The following AP3S1 variants were observed in gnomAD, a reference collection of about 807,000 sequenced individuals.
The protein encoded by AP3S1 is AP-3 complex subunit sigma-1.
AP3S1 carries 12 observed loss-of-function variants against 21.3 expected under a neutral mutation model. The observed-to-expected ratio is 0.56, with a 90% CI of 0.36 to 0.91. The LOEUF (loss-of-function observed/expected upper bound fraction) is 0.91. Among genes scored for constraint, AP3S1 ranks in the 40% least tolerant of loss-of-function variants. The pLI, the probability that AP3S1 is intolerant of heterozygous loss-of-function variation, is 0.01. For synonymous variants in AP3S1, 48 were observed against 78.4 expected, an observed-to-expected ratio of 0.61 and a Z score of 2.05; for missense variants, 116 against 225.0, an observed-to-expected ratio of 0.52 and a Z score of 3.10.
At chr5:115,869,810 A>T (rs1161374850) in intron 2 of AP3S1, among the ~76,000 whole-genome samples, 1 of 152,216 alleles carries the variant, frequency 6.6e-6, no homozygotes, top group East Asian at 1.9e-4. Context: ...AACTGAAATT[A>T]AGCACTGGCT....
Position 115,900,195 on chromosome 5 carries a change from G to A in AP3S1, c.346-2690G>A, listed in dbSNP as rs1432450934. The stretch of plus-strand genomic sequence containing the variant: ...TATAGGAAAGGCCAGATAAATTCTA[G>A]AGTATTTTTCTTTATAGTTACCAAT... On this transcript the variant is annotated intron_variant, in intron 4 of 5. Coordinates refer to ENST00000316788, the MANE Select transcript of AP3S1 (RefSeq NM_001284.4). Among the ~76,000 whole-genome samples, 4 of 152,142 alleles carry A rather than the reference G, an allele frequency of 2.6e-5. No homozygotes were observed. In the East Asian group the frequency reaches 7.7e-4, roughly 29 times the overall value.
At chr5:115,900,023 G>A (rs1751075125) in intron 4 of AP3S1, among the ~76,000 whole-genome samples, 1 of 151,952 alleles carries the variant, frequency 6.6e-6, no homozygotes, top group Non-Finnish European at 1.5e-5. Context: ...GAAGAGAATA[G>A]TGTAATAAAA....
At chr5:115,849,962 A>G (rs975542231) in intron 1 of AP3S1, among the ~76,000 whole-genome samples, 1 of 152,216 alleles carries the variant, frequency 6.6e-6, no homozygotes, top group Non-Finnish European at 1.5e-5. Context: ...CTCTCTATCA[A>G]TGAGACCTGT....
intron 1 of AP3S1, among the ~76,000 whole-genome samples, chr5:115,845,605 A>T (rs981377342): frequency 3.3e-5 from 5 of 152,102 alleles, no homozygotes; most frequent in African/African-American, 1.2e-4. Flanking sequence ...AGGCCAAGGC[A>T]GGCGGATCAC....
chr5:115,881,306 C>T (rs1216297223), intron 3 of AP3S1, among the ~76,000 whole-genome samples: 1 of 152,132 alleles, frequency 6.6e-6, no homozygotes, highest in Non-Finnish European at 1.5e-5. Context: ...ATGGTCTTCA[C>T]AATTTAGTAT....
intron 1 of AP3S1, 32 bp downstream of exon 1, chr5:115,842,138 G>GGGGGAGTCGTTGGCGAC: frequency 6.6e-7 from 1 of 1,523,962 alleles, no homozygotes; most frequent in Non-Finnish European, 8.8e-7. Context: ...ATCCGGGCGA[G>GGGGGAGTCGTTGGCGAC]GGGGAGTCGT....
intron 3 of AP3S1, among the ~76,000 whole-genome samples, chr5:115,878,304 G>C (rs1258574601): frequency 6.6e-6 from 1 of 152,102 alleles, no homozygotes; most frequent in Non-Finnish European, 1.5e-5. Flanking sequence ...GTATTGCCTA[G>C]GTTTTCTTCT....
chr5:115,878,415 A>G (rs1328288383), intron 3 of AP3S1, among the ~76,000 whole-genome samples: 1 of 148,568 alleles, frequency 6.7e-6, no homozygotes, highest in African/African-American at 2.5e-5. Context: ...AGTTTTCTGC[A>G]TATGGCTAGC....
intron 3 of AP3S1, among the ~76,000 whole-genome samples, chr5:115,890,835 T>C (rs1750236984): frequency 6.6e-6 from 1 of 152,234 alleles, no homozygotes; most frequent in African/African-American, 2.4e-5. Flanking sequence ...CTGTCTAGTT[T>C]CTTTAAGCAG....
intron 1 of AP3S1, chr5:115,842,602 A>C (rs1022047871): frequency 6.4e-6 from 1 of 155,040 alleles, no homozygotes; most frequent in South Asian, 2.0e-4. Context: ...TTCTTTGGAC[A>C]GATGGGCTAC....
chr5:115,902,826 C>G, intron 4 of AP3S1, 59 bp from the exon 5 acceptor site: 1 of 1,250,162 alleles, frequency 8.0e-7, no homozygotes. Context: ...AAAAGTGAAT[C>G]ATGAAACTTC....
intron 3 of AP3S1, among the ~76,000 whole-genome samples, chr5:115,888,123 C>G (rs1749958529): frequency 6.6e-6 from 1 of 151,890 alleles, no homozygotes; most frequent in Admixed American, 6.6e-5. Flanking sequence ...TTTTATATCC[C>G]TGGCACCTGA....
chr5:115,910,718 T>C (rs1480208002), intron 5 of AP3S1, among the ~76,000 whole-genome samples: 1 of 152,168 alleles, frequency 6.6e-6, no homozygotes, highest in Non-Finnish European at 1.5e-5. Flanking sequence ...CCCTAAATTT[T>C]TATATATAAA....
chr5:115,864,674 G>T (rs1250961379), intron 1 of AP3S1, among the ~76,000 whole-genome samples: 1 of 152,166 alleles, frequency 6.6e-6, no homozygotes, highest in Non-Finnish European at 1.5e-5. Flanking sequence ...ACCAATCAAA[G>T]AAATCATGGA....
chr5:115,913,604 T>G lies in AP3S1; in HGVS notation c.*114T>G, dbSNP rs1234224207. The G allele has an allele frequency of 6.8e-7, 1 of 1,464,614 alleles. No individual in the cohort carries two copies. The highest frequency in any genetic ancestry group is 1.4e-5 in the African/African-American group (1 of 70,770). The allele number at this position is 1,464,614 out of a possible 1,614,324, so 90.7% of individuals were successfully genotyped here. The stretch of plus-strand genomic sequence containing the variant: ...GAGTCTTAACTTTTGCTCTTGGATT[T>G]AAGTCAAGGTACTGTATAGAAGTTG... On this transcript the variant is annotated 3_prime_UTR_variant, in exon 6 of 6. Transcript: ENST00000316788.
intron 3 of AP3S1, 82 bp from the exon 4 acceptor site, chr5:115,895,005 A>G: frequency 2.3e-6 from 2 of 873,006 alleles, no homozygotes; most frequent in South Asian, 1.9e-5. Context: ...ATTTTAGTTC[A>G]TAATTAAGAA....
intron 4 of AP3S1, among the ~76,000 whole-genome samples, chr5:115,898,044 A>G (rs1311335890): frequency 6.6e-6 from 1 of 152,204 alleles, no homozygotes; most frequent in Non-Finnish European, 1.5e-5. Flanking sequence ...ACTTAAAACA[A>G]AAAAGGGTTA....
chr5:115,879,874 A>G (rs1021509197), intron 3 of AP3S1, among the ~76,000 whole-genome samples: 13 of 152,122 alleles, frequency 8.5e-5, no homozygotes, highest in Non-Finnish European at 1.6e-4. Context: ...TACTGCCTCA[A>G]TTTCAGAACT....
At chr5:115,878,805 G>T (rs746309056) in intron 3 of AP3S1, among the ~76,000 whole-genome samples, 8 of 152,070 alleles carry the variant, frequency 5.3e-5, no homozygotes, top group Non-Finnish European at 8.8e-5. Context: ...CCATTTTCAC[G>T]ATACTGATTC....
Sources: allele counts gnomAD v4.1 joint callset (sites outside exome capture counted in the v4.1 genomes callset), GRCh38; gene constraint gnomAD v4.1.1; transcripts MANE v1.5; gene names NCBI Gene and HGNC (gene_info 2026-07-23, HGNC 2026-07-21).